AHNAK: variants seen among roughly 807,000 people sequenced by gnomAD.
AHNAK encodes the protein AHNAK nucleoprotein.
Under a neutral mutation model 37.8 loss-of-function variants are expected in AHNAK, and 23 were observed. The observed-to-expected ratio is 0.61, with a 90% CI of 0.44 to 0.86. The LOEUF is 0.86. Among genes scored for constraint, AHNAK ranks in the 40% least tolerant of loss-of-function variants. The pLI is 0.00. For missense variants in AHNAK, 7,411 were observed against 7,319.4 expected (o/e 1.01, Z -0.46); for synonymous variants, 2,481 against 2,636.3 (o/e 0.94, Z 1.80).
At position 62,524,831 on chromosome 11, in the gene AHNAK, C is replaced by G; in HGVS notation, c.9586G>C (p.Glu3196Gln). 6.2e-7 allele frequency: 1 copy of G among 1,614,174 alleles called. No individual in the cohort carries two copies. Among genetic ancestry groups the G allele is most frequent in the Non-Finnish European group, 8.5e-7 (1 of 1,180,040 alleles). ...CCCTTCAGTTTCGCATCTGGACCTT[C>G]AATATTCACATCTGGAACATCAACG... is the stretch of plus-strand genomic sequence containing the variant. ...VDVDVPDVNI[E>Q]GPDAKLKGPK... The change falls in exon 5 of 5, where the codon GAA becomes CAA. Residue 3196 changes from glutamate (E) to glutamine (Q), a missense_variant. Transcript: ENST00000378024.
chr11:62,530,592 A>G lies in AHNAK; in HGVS notation c.3825T>C (p.Asp1275=). 6.2e-7 allele frequency: 1 copy of G among 1,611,354 alleles called. No homozygotes were observed. Residue 1275 remains aspartate (D), a synonymous_variant, in exon 5 of 5, where the codon GAT becomes GAC. Coordinates refer to ENST00000378024, the MANE Select transcript of AHNAK (RefSeq NM_001620.3). The part of the protein sequence containing the change: ...PGFKGEGREV[D]VNLPKADIDV... ...CAATGTCAGCCTTGGGCAGGTTCACATCCACTTCTCGGCCCTCTCCTTTGA... is the reference window on the plus strand; with the variant it reads ...CAATGTCAGCCTTGGGCAGGTTCACGTCCACTTCTCGGCCCTCTCCTTTGA...
At chr11:62,497,950 G>A (rs1180578046) in intron 4 of AHNAK, among the ~76,000 whole-genome samples, 4 of 151,604 alleles carry the variant, frequency 2.6e-5, no homozygotes, top group African/African-American at 4.9e-5. Flanking sequence ...GGTGACAGAG[G>A]GGAGACTTCA....
At position 62,438,208 on chromosome 11, in the gene AHNAK, G is replaced by A. The variant is rs549044013; in HGVS notation, c.443-4317C>T. On this transcript the variant is annotated intron_variant, in intron 5 of 5. Transcript: ENST00000257247. The stretch of plus-strand genomic sequence containing the variant: ...TTTTTTTTTTTTTTTTCCTGAGACT[G>A]AGTTTTGTTCTGTCTCCCAGGCTGG... Among the ~76,000 whole-genome samples, 122 of 127,990 alleles carry A rather than the reference G, an allele frequency of 9.5e-4. 1 individual carries two copies. The highest frequency in any genetic ancestry group is 3.5e-3 in the African/African-American group (116 of 33,292). 84.0% of individuals were successfully genotyped at this position (127,990 alleles called of 152,430 possible). A position where few individuals can be genotyped will look rare whatever the true frequency, so the allele number is the denominator to read the frequency against.
downstream of AHNAK, among the ~76,000 whole-genome samples, chr11:62,512,719 A>C (rs1939935843): frequency 6.6e-6 from 1 of 152,148 alleles, no homozygotes; most frequent in Admixed American, 6.5e-5. The surrounding 1 kb of genome is among the most constrained non-coding windows in gnomAD (Gnocchi z 4.0). Context: ...AGCCTGGGCA[A>C]CATGGTGAAA....
Position 62,523,786 on chromosome 11 carries a change from G to A in AHNAK, c.10631C>T (p.Ser3544Phe), listed in dbSNP as rs1253239548. Residue 3544 changes from serine to phenylalanine, a missense_variant, in exon 5 of 5, where the codon TCC becomes TTC. Physicochemically the swap from Ser to Phe is radical, Grantham distance 155. Coordinates refer to ENST00000378024, the MANE Select transcript of AHNAK (RefSeq NM_001620.3). ...PDMNIKAPKI[S>F]MPDIDLNLKG... ...CAAGTTTAAGTCAATGTCAGGCATG[G>A]AGATCTTGGGAGCTTTGATATTCAT... 1 of 1,614,158 alleles carries A rather than the reference G, an allele frequency of 6.2e-7. No individual in the cohort carries two copies. Among genetic ancestry groups the A allele is most frequent in the South Asian group, 1.1e-5 (1 of 91,074 alleles).
chr11:62,536,682 C>A (rs959398906), intron 1 of AHNAK, 115 bp from the exon 2 acceptor site: 1 of 152,326 alleles, frequency 6.6e-6, no homozygotes, highest in South Asian at 2.1e-4. Context: ...GAACCCGACC[C>A]CCACCACCGC....
Position 62,528,946 on chromosome 11 carries a change from G to A in AHNAK, c.5471C>T (p.Ala1824Val), listed in dbSNP as rs780308369. 66 of 1,613,786 alleles carry A rather than the reference G, an allele frequency of 4.1e-5. No homozygotes were observed. Among genetic ancestry groups the A allele is most frequent in the Middle Eastern group, 3.3e-4 (2 of 6,084 alleles). The change falls in exon 5 of 5, where the codon GCG becomes GTG. Residue 1824 changes from alanine to valine, a missense_variant. By Grantham distance (64) the Ala-to-Val change is moderately conservative. Coordinates refer to ENST00000378024, the MANE Select transcript of AHNAK (RefSeq NM_001620.3). ...CTCCAGATCAACATCGGGCACCTCC[G>A]CTTCCACAAAAGGACCTTTGACATC... ...QVDVKGPFVE[A>V]EVPDVDLECP...
chr11:62,529,464 G>A lies in AHNAK; in HGVS notation c.4953C>T (p.Pro1651=), dbSNP rs1940641938. 6.2e-7 allele frequency: 1 copy of A among 1,614,038 alleles called. No homozygotes were observed. Among genetic ancestry groups the A allele is most frequent in the East Asian group, 2.2e-5 (1 of 44,876 alleles). ...AGTCCACATCGGGCATGGAGATCTTGGGGGCCTTGAAATGCATCTCAGGCA... is the reference window on the plus strand; with the variant it reads ...AGTCCACATCGGGCATGGAGATCTTAGGGGCCTTGAAATGCATCTCAGGCA... The part of the protein sequence containing the change: ...FKMPEMHFKA[P]KISMPDVDLH... Residue 1651 remains proline (P), a synonymous_variant, in exon 5 of 5, where the codon CCC becomes CCT. Coordinates refer to ENST00000378024, the MANE Select transcript of AHNAK (RefSeq NM_001620.3).
chr11:62,524,447 C>G lies in AHNAK; in HGVS notation c.9970G>C (p.Ala3324Pro). 1 of 1,613,956 alleles carries G rather than the reference C, an allele frequency of 6.2e-7. No individual in the cohort carries two copies. Among genetic ancestry groups the G allele is most frequent in the Non-Finnish European group, 8.5e-7 (1 of 1,179,966 alleles). ...GGGCCCTTTATATCCAAACTGGGAG[C>G]TTTAATGTCACCTTCCAACTTGGGC... ...SGPKLEGDIK[A>P]PSLDIKGPEV... Residue 3324 changes from alanine to proline, a missense_variant, in exon 5 of 5, where the codon GCT becomes CCT. Ala to Pro is a conservative substitution (Grantham distance 27). Coordinates refer to ENST00000378024, the MANE Select transcript of AHNAK (RefSeq NM_001620.3).
intron 1 of AHNAK, among the ~76,000 whole-genome samples, chr11:62,540,445 G>C (rs1590692609): frequency 1.3e-5 from 2 of 152,200 alleles, no homozygotes; most frequent in Non-Finnish European, 2.9e-5. Context: ...GGAGTGTGCT[G>C]GGACCCTAGT....
intron 2 of AHNAK, 75 bp from the exon 3 acceptor site, chr11:62,536,173 C>T: frequency 6.8e-7 from 1 of 1,465,716 alleles, no homozygotes; most frequent in Non-Finnish European, 9.1e-7. Flanking sequence ...AGCTAGCAAT[C>T]TCTGGCGCTG....
At chr11:62,465,568 G>A (rs370830870) in intron 5 of AHNAK, among the ~76,000 whole-genome samples, 114 of 152,104 alleles carry the variant, frequency 7.5e-4, no homozygotes, top group African/African-American at 2.5e-3. Flanking sequence ...AGCCAAGATC[G>A]TGCCATTGCA....
intron 4 of AHNAK, among the ~76,000 whole-genome samples, chr11:62,504,430 C>T (rs1431052713): frequency 6.6e-6 from 1 of 152,122 alleles, no homozygotes; most frequent in Admixed American, 6.5e-5. Context: ...ACAATCCGCA[C>T]TGGCTGCCTC....
At position 62,531,589 on chromosome 11, in the gene AHNAK, G is replaced by C. The variant is rs546072562; in HGVS notation, c.2828C>G (p.Ala943Gly). 3 of 1,610,364 alleles carry C rather than the reference G, an allele frequency of 1.9e-6. No homozygotes were observed. The highest frequency in any genetic ancestry group is 3.3e-4 in the Middle Eastern group (2 of 6,058). ...KFKMPEMNIK[A>G]PKISMPDVDL... ...CACATCAGGCATGGAGATCTTGGGG[G>C]CCTTGATATTCATCTCTGGCATCTT... The change falls in exon 5 of 5, where the codon GCC (alanine) becomes GGC (glycine). Residue 943 changes from alanine to glycine, a missense_variant. By Grantham distance (60) the Ala-to-Gly change is moderately conservative. Transcript: ENST00000378024.
At chr11:62,440,268 G>A (rs967008972) in intron 5 of AHNAK, among the ~76,000 whole-genome samples, 10 of 152,116 alleles carry the variant, frequency 6.6e-5, no homozygotes, top group Admixed American at 6.6e-4. Context: ...ATGAGGAAAC[G>A]ACACTGAGAG....
At chr11:62,496,749 C>T (rs1247689311) in intron 4 of AHNAK, among the ~76,000 whole-genome samples, 1 of 151,400 alleles carries the variant, frequency 6.6e-6, no homozygotes, top group African/African-American at 2.4e-5. Context: ...GAGCCGAGAT[C>T]GCATCACTGC....
intron 5 of AHNAK, among the ~76,000 whole-genome samples, chr11:62,490,197 CTTTTTTTTTT>C (rs944550481): frequency 8.6e-5 from 10 of 115,930 alleles, no homozygotes; most frequent in African/African-American, 2.7e-4. Context: ...TTTTCTTTTT[CTTTTTTTTTT>C]TTTTTTTTTT....
Position 62,526,754 on chromosome 11 carries a change from T to C in AHNAK, c.7663A>G (p.Ile2555Val), listed in dbSNP as rs1193438554. 1.9e-6 allele frequency: 3 copies of C among 1,614,024 alleles called. No individual in the cohort carries two copies. In the East Asian group the frequency reaches 6.7e-5, roughly 36 times the overall value. The change falls in exon 5 of 5, where the codon ATT becomes GTT. Residue 2555 changes from isoleucine to valine, a missense_variant. Coordinates refer to ENST00000378024, the MANE Select transcript of AHNAK (RefSeq NM_001620.3). ...TTCAACTTTCCCTCTGGTCCTTCAA[T>C]ATTAACATCAGGGCCTTCAATGTCC... ...KVDIEGPDVN[I>V]EGPEGKLKGP...
chr11:62,501,092 C>T (rs1055454137), intron 4 of AHNAK, among the ~76,000 whole-genome samples: 5 of 151,772 alleles, frequency 3.3e-5, no homozygotes, highest in Admixed American at 1.3e-4. Flanking sequence ...ATTAGTCAGG[C>T]GTGGTGGCAC....
Sources: gnomAD v4.1 joint callset for allele counts (sites outside exome capture counted in the v4.1 genomes callset) on GRCh38, gnomAD v4.1.1 for gene constraint, Gnocchi (gnomAD v3.1) non-coding constraint, MANE v1.5 for transcripts, NCBI Gene and HGNC (gene_info 2026-07-23, HGNC 2026-07-21) for gene names.